PPFIBP1: variants seen among roughly 807,000 people sequenced by gnomAD.
The protein encoded by PPFIBP1 is liprin-beta-1.
A neutral mutation model predicts 137.8 loss-of-function variants in PPFIBP1; 112 were observed. The ratio of observed to expected loss-of-function variants is 0.81; its 90% confidence interval spans 0.70 to 0.95. The LOEUF is 0.95. Among genes scored for constraint, PPFIBP1 ranks in the 40% least tolerant of loss-of-function variants. The pLI, the probability that PPFIBP1 is intolerant of heterozygous loss-of-function variation, is 0.00. For synonymous variants in PPFIBP1, 378 were observed against 417.3 expected, an observed-to-expected ratio of 0.91 and a Z score of 1.15; for missense variants, 1,083 against 1,196.6, an observed-to-expected ratio of 0.91 and a Z score of 1.40.
At chr12:27,571,284 T>C (rs185384547) in intron 1 of PPFIBP1, among the ~76,000 whole-genome samples, 1 of 152,318 alleles carries the variant, frequency 6.6e-6, no homozygotes. Flanking sequence ...TATATATTCA[T>C]CGTTGCTCAT....
At chr12:27,550,324 A>AT (rs935470823) in intron 1 of PPFIBP1, among the ~76,000 whole-genome samples, 4 of 151,940 alleles carry the variant, frequency 2.6e-5, no homozygotes, top group African/African-American at 7.3e-5. Context: ...AAAGCCCCTG[A>AT]TTTTTTTTGT....
At chr12:27,593,909 G>A in intron 2 of PPFIBP1, 3 of 1,497,286 alleles carry the variant, frequency 2.0e-6, no homozygotes, top group South Asian at 2.9e-5. Flanking sequence ...CTTGGAAGGT[G>A]CGTCTTCCCA....
chr12:27,681,724 A>G (rs367993164), intron 22 of PPFIBP1, 28 bp downstream of exon 22: 14 of 1,611,488 alleles, frequency 8.7e-6, no homozygotes, highest in African/African-American at 5.3e-5. Context: ...TTGTTCACAC[A>G]ATGGATACTG....
At chr12:27,605,345 A>G (rs1315506409) in intron 2 of PPFIBP1, among the ~76,000 whole-genome samples, 1 of 152,190 alleles carries the variant, frequency 6.6e-6, no homozygotes, top group East Asian at 1.9e-4. Flanking sequence ...AAATTAGATC[A>G]GTGGTTGCCA....
In PPFIBP1 at chr12:27,524,211, C is replaced by G. The variant is rs1042848359; in HGVS notation, c.-278C>G. The G allele has an allele frequency of 6.6e-6, 1 of 152,446 alleles. No homozygotes were observed. Among genetic ancestry groups the G allele is most frequent in the African/African-American group, 2.4e-5 (1 of 41,450 alleles). 9.4% of individuals were successfully genotyped at this position (152,446 alleles called of 1,614,324 possible). ...TCCCAGCTCGGTGCCTGCCCGGATT[C>G]CTGACATGGTGTAGTGCAGGCAGGG... On this transcript the variant is annotated 5_prime_UTR_variant, in exon 1 of 30. Coordinates refer to ENST00000228425, the MANE Select transcript of PPFIBP1 (RefSeq NM_003622.4).
intron 1 of PPFIBP1, among the ~76,000 whole-genome samples, chr12:27,546,056 G>A (rs534117543): frequency 6.6e-6 from 1 of 152,316 alleles, no homozygotes; most frequent in South Asian, 2.1e-4. Context: ...CCAGGACCTT[G>A]TGCCATTGAT....
At chr12:27,660,779 C>A in intron 10 of PPFIBP1, 105 bp from the exon 11 acceptor site, 1 of 1,450,616 alleles carries the variant, frequency 6.9e-7, no homozygotes, top group Non-Finnish European at 9.2e-7. Flanking sequence ...TGAAAGAAAT[C>A]ATTAACATCT....
At chr12:27,630,642 A>G (rs968790274) in intron 2 of PPFIBP1, among the ~76,000 whole-genome samples, 4 of 152,202 alleles carry the variant, frequency 2.6e-5, no homozygotes, top group South Asian at 2.1e-4. Flanking sequence ...GTTATATTTC[A>G]GTAGCTTTAG....
At chr12:27,542,372 C>T (rs1263109053) in intron 1 of PPFIBP1, among the ~76,000 whole-genome samples, 3 of 152,134 alleles carry the variant, frequency 2.0e-5, no homozygotes, top group Non-Finnish European at 4.4e-5. Flanking sequence ...GAAACCAATT[C>T]CCCATGGATA....
At chr12:27,620,240 T>C (rs1592910203) in intron 2 of PPFIBP1, among the ~76,000 whole-genome samples, 1 of 152,298 alleles carries the variant, frequency 6.6e-6, no homozygotes, top group South Asian at 2.1e-4. Flanking sequence ...TCCATCTCCA[T>C]GCTCAATTGA....
intron 1 of PPFIBP1, among the ~76,000 whole-genome samples, chr12:27,541,409 G>C (rs951784091): frequency 6.6e-6 from 1 of 151,368 alleles, no homozygotes; most frequent in Non-Finnish European, 1.5e-5. Context: ...TGAAACATCT[G>C]AGTGACTGAA....
At chr12:27,648,358 G>A (rs1295520427) in intron 6 of PPFIBP1, among the ~76,000 whole-genome samples, 1 of 152,144 alleles carries the variant, frequency 6.6e-6, no homozygotes, top group Non-Finnish European at 1.5e-5. Context: ...AGAAATGCTG[G>A]CAAAGATGTG....
chr12:27,682,244 A>C, intron 22 of PPFIBP1, 143 bp from the exon 23 acceptor site: 1 of 664,800 alleles, frequency 1.5e-6, no homozygotes, highest in South Asian at 1.9e-5. Flanking sequence ...GTTCAACAAC[A>C]CTTTACTAGC....
intron 10 of PPFIBP1, among the ~76,000 whole-genome samples, chr12:27,659,325 T>TCGA (rs2059402001): frequency 6.6e-6 from 1 of 152,202 alleles, no homozygotes; most frequent in Non-Finnish European, 1.5e-5. Flanking sequence ...ATCCAGCTGA[T>TCGA]TCATGGAGCC....
chr12:27,544,528 C>G (rs1946017487), intron 1 of PPFIBP1, among the ~76,000 whole-genome samples: 1 of 150,790 alleles, frequency 6.6e-6, no homozygotes, highest in South Asian at 2.1e-4. Context: ...CTACAAAGAA[C>G]TTCAACAAAT....
chr12:27,607,205 C>T (rs913191561), intron 2 of PPFIBP1, among the ~76,000 whole-genome samples: 2 of 152,200 alleles, frequency 1.3e-5, no homozygotes, highest in Admixed American at 6.5e-5. Flanking sequence ...ACGTAACTTA[C>T]AAGGTGGTAT....
intron 4 of PPFIBP1, among the ~76,000 whole-genome samples, chr12:27,638,360 G>A (rs1265397302): frequency 6.6e-6 from 1 of 152,230 alleles, no homozygotes; most frequent in Non-Finnish European, 1.5e-5. Flanking sequence ...AAAAAAGGAA[G>A]CAGTGAATGA....
intron 25 of PPFIBP1, 117 bp downstream of exon 25, chr12:27,687,624 C>T: frequency 8.2e-7 from 1 of 1,215,388 alleles, no homozygotes; most frequent in South Asian, 1.6e-5. Context: ...AAAATCCAGC[C>T]TCATTTACTT....
intron 10 of PPFIBP1, among the ~76,000 whole-genome samples, chr12:27,659,530 T>A (rs1161219255): frequency 6.6e-6 from 1 of 152,072 alleles, no homozygotes; most frequent in East Asian, 1.9e-4. Flanking sequence ...GAAGGATCAC[T>A]TGAGCCCCAG....
Sources: allele counts gnomAD v4.1 joint callset (sites outside exome capture counted in the v4.1 genomes callset), GRCh38; gene constraint gnomAD v4.1.1; transcripts MANE v1.5; gene names NCBI Gene and HGNC (gene_info 2026-07-23, HGNC 2026-07-21).